The following VPS13B variants were observed in gnomAD, a reference collection of about 807,000 sequenced individuals.
VPS13B encodes the protein vacuolar protein sorting 13 homolog B.
A neutral mutation model predicts 426.4 loss-of-function variants in VPS13B; 285 were observed. The ratio of observed to expected loss-of-function variants is 0.67; its 90% confidence interval spans 0.61 to 0.74. VPS13B has a LOEUF of 0.74. Among genes scored for constraint, VPS13B ranks in the 30% least tolerant of loss-of-function variants. The probability of loss-of-function intolerance (pLI) is 0.00; values close to 1 mark genes in which losing one functional copy is unlikely to be tolerated. For synonymous variants in VPS13B, 1,676 were observed against 1,676.4 expected (o/e 1.00, Z 0.01); for missense variants, 4,537 against 4,782.6 (o/e 0.95, Z 1.51).
chr8:99,185,655 G>A (rs2132707402), intron 16 of VPS13B, among the ~76,000 whole-genome samples: 1 of 152,234 alleles, frequency 6.6e-6, no homozygotes, highest in Admixed American at 6.5e-5. Flanking sequence ...ATTGCTATGA[G>A]GTGTGTTGAT....
chr8:99,105,105 T>C (rs1846973387), intron 5 of VPS13B, among the ~76,000 whole-genome samples: 1 of 152,200 alleles, frequency 6.6e-6, no homozygotes, highest in South Asian at 2.1e-4. Context: ...GAATAGAGTT[T>C]TATTATTATG....
intron 33 of VPS13B, among the ~76,000 whole-genome samples, chr8:99,634,674 T>C (rs538784999): frequency 6.6e-6 from 1 of 152,142 alleles, no homozygotes; most frequent in East Asian, 1.9e-4. Flanking sequence ...TTTCTAGCTC[T>C]GGGTATCTGT....
intron 36 of VPS13B, among the ~76,000 whole-genome samples, chr8:99,704,091 T>TA (rs1257382679): frequency 1.3e-5 from 2 of 152,110 alleles, no homozygotes; most frequent in Non-Finnish European, 2.9e-5. Flanking sequence ...GGTGACTTTT[T>TA]ACCCAAGCCA....
chr8:99,458,224 A>C (rs1446265955), intron 23 of VPS13B, among the ~76,000 whole-genome samples: 1 of 152,140 alleles, frequency 6.6e-6, no homozygotes, highest in African/African-American at 2.4e-5. Context: ...AGCTTCATCC[A>C]TGTCCCTGCA....
At chr8:99,697,558 C>G (rs921900512) in intron 35 of VPS13B, 2 of 698,548 alleles carry the variant, frequency 2.9e-6, no homozygotes, top group Non-Finnish European at 5.2e-6. Context: ...AGGACTACAG[C>G]GAGAACATGC....
At chr8:99,249,340 A>T (rs780300377) in intron 17 of VPS13B, among the ~76,000 whole-genome samples, 1 of 151,878 alleles carries the variant, frequency 6.6e-6, no homozygotes, top group African/African-American at 2.4e-5. Flanking sequence ...AAACATTTAT[A>T]TACAAGTTTT....
At chr8:99,069,425 G>A (rs1844733196) in intron 3 of VPS13B, among the ~76,000 whole-genome samples, 2 of 152,212 alleles carry the variant, frequency 1.3e-5, no homozygotes, top group Admixed American at 1.3e-4. Context: ...ACAAGAGCAT[G>A]TCTCAAAAGA....
intron 44 of VPS13B, among the ~76,000 whole-genome samples, chr8:99,813,246 A>C (rs1044361877): frequency 3.9e-5 from 6 of 152,160 alleles, no homozygotes; most frequent in Non-Finnish European, 8.8e-5. Flanking sequence ...CCTATTTAAC[A>C]GGCTTTTTAG....
At chr8:99,520,813 A>C in intron 29 of VPS13B, 86 bp from the exon 30 acceptor site, 10 of 960,206 alleles carry the variant, frequency 1.0e-5, no homozygotes, top group Admixed American at 1.8e-5. Context: ...ATGTGTCTCT[A>C]TTCCATTCCC....
intron 17 of VPS13B, among the ~76,000 whole-genome samples, chr8:99,273,164 T>C (rs943420069): frequency 2.0e-5 from 3 of 150,070 alleles, no homozygotes; most frequent in Non-Finnish European, 4.5e-5. Context: ...AGGTAGTTTT[T>C]TTTTTTTTTT....
In VPS13B at chr8:99,641,859, G is replaced by A. The variant is rs146540735; in HGVS notation, c.5269G>A (p.Ala1757Thr). ...KKVDIFDGGM[A>T]ETSSRYSGAQ... ...AGTGGATATATTTGATGGAGGCATG[G>A]CTGAAACCTCATCTCGCTACAGTGG... Residue 1757 changes from alanine (A) to threonine (T), a missense_variant, in exon 34 of 62, where the codon GCT becomes ACT. Coordinates refer to ENST00000357162, the MANE Select transcript of VPS13B (RefSeq NM_152564.5). 35 of 1,613,882 alleles carry A rather than the reference G, an allele frequency of 2.2e-5. No homozygotes were observed. Among genetic ancestry groups the A allele is most frequent in the Non-Finnish European group, 2.8e-5 (33 of 1,179,888 alleles).
chr8:99,575,679 G>A lies in VPS13B; in HGVS notation c.4971G>A (p.Arg1657=). Residue 1657 remains arginine, a synonymous_variant, in exon 32 of 62, where the codon AGG becomes AGA. Transcript: ENST00000357162. ...TTAGCATACGGCGGCATCAAGAAAGGAGAGCAATTTTGACCCCCGTTTTGA... is the reference window on the plus strand; with the variant it reads ...TTAGCATACGGCGGCATCAAGAAAGAAGAGCAATTTTGACCCCCGTTTTGA... The part of the protein sequence containing the change: ...MASSIRRHQE[R]RAILTPVLTD... 1 of 1,613,860 alleles carries A rather than the reference G, an allele frequency of 6.2e-7. No homozygotes were observed. The highest frequency in any genetic ancestry group is 8.5e-7 in the Non-Finnish European group (1 of 1,179,882).
chr8:99,662,929 G>A (rs893179542), intron 35 of VPS13B, among the ~76,000 whole-genome samples: 19 of 152,072 alleles, frequency 1.2e-4, no homozygotes, highest in Non-Finnish European at 1.0e-4. Context: ...ATGGTGGCAC[G>A]TACCTGTAGT....
chr8:99,014,692 C>CAAAA (rs574786628), intron 2 of VPS13B, among the ~76,000 whole-genome samples: 1 of 61,228 alleles, frequency 1.6e-5, no homozygotes. Flanking sequence ...GAAAAAAAGA[C>CAAAA]AAAAAAAAAA....
chr8:99,490,646 A>G (rs1207305426), intron 25 of VPS13B, among the ~76,000 whole-genome samples: 7 of 152,230 alleles, frequency 4.6e-5, no homozygotes, highest in African/African-American at 7.2e-5. Context: ...GTATATGTCC[A>G]AGAACTTATC....
At chr8:99,091,707 A>C (rs1846157625) in intron 3 of VPS13B, 1 of 152,074 alleles carries the variant, frequency 6.6e-6, no homozygotes, top group Non-Finnish European at 1.5e-5. Flanking sequence ...TCTGTCTTTG[A>C]AGTGTGCAGT....
At chr8:99,831,132 G>T (rs1487238053) in intron 51 of VPS13B, among the ~76,000 whole-genome samples, 5 of 148,162 alleles carry the variant, frequency 3.4e-5, no homozygotes, top group African/African-American at 1.2e-4. Flanking sequence ...GAGTGTAATG[G>T]CATGATCTTG....
chr8:99,075,517 C>T (rs934087066), intron 3 of VPS13B, among the ~76,000 whole-genome samples: 4 of 152,198 alleles, frequency 2.6e-5, no homozygotes, highest in Admixed American at 6.5e-5. Context: ...CACCAGGCCT[C>T]ACCTCCAACA....
At chr8:99,307,401 G>A (rs1820699732) in intron 19 of VPS13B, among the ~76,000 whole-genome samples, 1 of 151,970 alleles carries the variant, frequency 6.6e-6, no homozygotes, top group East Asian at 1.9e-4. Context: ...AGATATGAAA[G>A]CAAAGAAATA....
Sources: allele counts gnomAD v4.1 joint callset (sites outside exome capture counted in the v4.1 genomes callset), GRCh38; gene constraint gnomAD v4.1.1; transcripts MANE v1.5; gene names NCBI Gene and HGNC (gene_info 2026-07-23, HGNC 2026-07-21).